Variants in APBB2 observed in about 807,000 individuals in gnomAD.
APBB2 encodes Fe65-like 1.
APBB2 carries 38 observed loss-of-function variants against 82.5 expected under a neutral mutation model. The ratio of observed to expected loss-of-function variants is 0.46; its 90% CI spans 0.36 to 0.60. The LOEUF is 0.60. Among genes scored for constraint, APBB2 ranks in the 20% least tolerant of loss-of-function variants. The probability of loss-of-function intolerance (pLI) is 0.00; values close to 1 mark genes in which losing one functional copy is unlikely to be tolerated. For missense variants in APBB2, 772 were observed against 972.3 expected, an observed-to-expected ratio of 0.79 and a Z score of 2.74; for synonymous variants, 341 against 368.2, an observed-to-expected ratio of 0.93 and a Z score of 0.85.
At position 40,821,955 on chromosome 4, in the gene APBB2, C is replaced by T. The variant is rs769873401; in HGVS notation, c.2028G>A (p.Thr676=). ...CGTGGCACTCAAAGCGCTGGTTCCCCGTGTCCATGATGAAGGCAAATGTGT... is the reference window on the plus strand; with the variant it reads ...CGTGGCACTCAAAGCGCTGGTTCCCTGTGTCCATGATGAAGGCAAATGTGT... ...DVHTFAFIMD[T]GNQRFECHVF... Residue 676 remains threonine (T), a synonymous_variant, in exon 17 of 18, where the codon ACG becomes ACA. Coordinates refer to ENST00000508593, the MANE Select transcript of APBB2 (RefSeq NM_004307.2). 5.0e-6 allele frequency: 8 copies of T among 1,614,026 alleles called. No homozygotes were observed. The highest frequency in any genetic ancestry group is 2.2e-5 in the South Asian group (2 of 91,084).
chr4:40,903,692 T>C (rs898450346), intron 10 of APBB2, among the ~76,000 whole-genome samples: 8 of 151,922 alleles, frequency 5.3e-5, no homozygotes, highest in South Asian at 2.1e-4. Flanking sequence ...ATAAGAGAAA[T>C]AGAAGCCACA....
intron 7 of APBB2, among the ~76,000 whole-genome samples, chr4:40,936,795 C>T (rs1459066245): frequency 6.6e-6 from 1 of 152,148 alleles, no homozygotes; most frequent in East Asian, 1.9e-4. Flanking sequence ...CTCACTCTAC[C>T]CCCAGAAGCA....
chr4:40,919,160 T>C (rs922717395), intron 10 of APBB2, among the ~76,000 whole-genome samples: 1 of 152,122 alleles, frequency 6.6e-6, no homozygotes, highest in African/African-American at 2.4e-5. Flanking sequence ...TTTACGTAAA[T>C]GTGCTCCAGA....
At chr4:41,073,395 A>G (rs1734554003) in intron 3 of APBB2, among the ~76,000 whole-genome samples, 1 of 152,216 alleles carries the variant, frequency 6.6e-6, no homozygotes, top group African/African-American at 2.4e-5. Context: ...TTTAAGTTCA[A>G]CACTTGCTGT....
chr4:41,008,471 A>G (rs1026323338), intron 6 of APBB2, among the ~76,000 whole-genome samples: 1 of 151,268 alleles, frequency 6.6e-6, no homozygotes, highest in Non-Finnish European at 1.5e-5. Flanking sequence ...TTTATTTATT[A>G]AGCTCACTTG....
At chr4:40,838,672 T>C (rs534071876) in intron 12 of APBB2, among the ~76,000 whole-genome samples, 3 of 152,180 alleles carry the variant, frequency 2.0e-5, no homozygotes, top group Non-Finnish European at 4.4e-5. Context: ...TTTCACCACA[T>C]TGGGCAGGCT....
chr4:40,919,367 G>A (rs958970624), intron 10 of APBB2, among the ~76,000 whole-genome samples: 3 of 152,038 alleles, frequency 2.0e-5, no homozygotes, highest in Non-Finnish European at 4.4e-5. Flanking sequence ...TGGAAGTTAC[G>A]TGAAAACTTT....
intron 1 of APBB2, among the ~76,000 whole-genome samples, chr4:41,145,917 C>T (rs1760578473): frequency 2.0e-5 from 3 of 152,200 alleles, no homozygotes; most frequent in African/African-American, 4.8e-5. Flanking sequence ...ATGCCAGGCA[C>T]GGTGACTCAT....
In APBB2 at chr4:41,145,107, G is replaced by A. The variant is rs75436061; in HGVS notation, c.-416-1965C>T. Among the ~76,000 whole-genome samples, 234 of 152,332 alleles carry A rather than the reference G, an allele frequency of 1.5e-3. 2 individuals carry two copies. The highest frequency in any genetic ancestry group is 5.4e-3 in the African/African-American group (223 of 41,568). On this transcript the variant is annotated intron_variant, in intron 1 of 17. Coordinates refer to ENST00000508593, the MANE Select transcript of APBB2 (RefSeq NM_004307.2). ...TATACTCCAGTCTGGGAGACAGAGT[G>A]AGACCTTGTTTCAAATACACAAATA...
intron 2 of APBB2, among the ~76,000 whole-genome samples, chr4:41,101,032 G>T (rs1354497410): frequency 2.6e-4 from 39 of 152,256 alleles, no homozygotes; most frequent in Admixed American, 2.4e-3. Context: ...CTTTCTCAGG[G>T]AGTCACAAAA....
At chr4:40,831,513 A>G (rs1319167949) in intron 12 of APBB2, among the ~76,000 whole-genome samples, 1 of 152,232 alleles carries the variant, frequency 6.6e-6, no homozygotes, top group Non-Finnish European at 1.5e-5. Flanking sequence ...ATCTAGTGTA[A>G]TAACCAGTGT....
intron 10 of APBB2, among the ~76,000 whole-genome samples, chr4:40,923,166 G>A (rs1415602585): frequency 6.6e-6 from 1 of 151,490 alleles, no homozygotes; most frequent in Non-Finnish European, 1.5e-5. Context: ...TAGTAGAGAC[G>A]GGGTTTCACC....
rs146647596 is a variant in APBB2, at chr4:40,840,239, C to T, written c.1530-9662G>A. On this transcript the variant is annotated intron_variant, in intron 12 of 17. Transcript: ENST00000508593. ...CCAAAATAGAATTCAAAAGGTAAGCCCACATGAGAACACGGTGTAATTATA... is the reference window on the plus strand; with the variant it reads ...CCAAAATAGAATTCAAAAGGTAAGCTCACATGAGAACACGGTGTAATTATA... 2.7e-3 allele frequency among the ~76,000 whole-genome samples: 408 copies of T among 152,230 alleles called. 6 individuals carry two copies. In the Middle Eastern group the frequency reaches 0.027, roughly 10 times the overall value.
At chr4:40,963,541 C>A (rs1246541132) in intron 6 of APBB2, among the ~76,000 whole-genome samples, 1 of 152,248 alleles carries the variant, frequency 6.6e-6, no homozygotes, top group African/African-American at 2.4e-5. Flanking sequence ...GGCCACCGCG[C>A]CCAGCCTCTA....
chr4:41,168,293 A>C (rs1343813189), intron 1 of APBB2, among the ~76,000 whole-genome samples: 7 of 151,740 alleles, frequency 4.6e-5, no homozygotes, highest in Non-Finnish European at 1.0e-4. Context: ...CTAAAAACAA[A>C]AAAAAAAAGA....
At chr4:41,107,344 A>G (rs1747632792) in intron 2 of APBB2, among the ~76,000 whole-genome samples, 1 of 152,152 alleles carries the variant, frequency 6.6e-6, no homozygotes, top group African/African-American at 2.4e-5. Flanking sequence ...ACTATAATAC[A>G]TTGGATTAAA....
At chr4:41,046,364 A>C (rs1226469596) in intron 4 of APBB2, among the ~76,000 whole-genome samples, 1 of 152,402 alleles carries the variant, frequency 6.6e-6, no homozygotes, top group East Asian at 1.9e-4. Context: ...TGGCTCACAG[A>C]GCCTGCAATT....
intron 1 of APBB2, among the ~76,000 whole-genome samples, chr4:41,149,552 T>G (rs1227686939): frequency 1.3e-5 from 2 of 152,126 alleles, no homozygotes; most frequent in African/African-American, 4.8e-5. Flanking sequence ...TGAAAATCCA[T>G]GCACTCAACA....
At chr4:41,044,228 T>C (rs1722562126) in intron 4 of APBB2, among the ~76,000 whole-genome samples, 1 of 152,238 alleles carries the variant, frequency 6.6e-6, no homozygotes, top group Non-Finnish European at 1.5e-5. Flanking sequence ...AAGAAGCTGA[T>C]TCTTTCCTAA....
Sources: gnomAD v4.1 joint callset for allele counts (sites outside exome capture counted in the v4.1 genomes callset) on GRCh38, gnomAD v4.1.1 for gene constraint, MANE v1.5 for transcripts, NCBI Gene and HGNC (gene_info 2026-07-23, HGNC 2026-07-21) for gene names.